Variants in ATP6V1C1 observed in about 807,000 individuals in gnomAD.
ATP6V1C1 encodes V-type proton ATPase subunit C 1.
In ATP6V1C1, 45 loss-of-function variants were observed where a neutral mutation model predicts 53.9. The ratio of observed to expected loss-of-function variants is 0.83; its 90% CI spans 0.66 to 1.07. The LOEUF (loss-of-function observed/expected upper bound fraction) is 1.07, where lower values mean the gene tolerates loss of function less well. Ranked by LOEUF, ATP6V1C1 falls within the 50% of genes least tolerant of loss-of-function variation. The pLI is 0.00. For synonymous variants in ATP6V1C1, 153 were observed against 155.2 expected (o/e 0.99, Z 0.11); for missense variants, 315 against 440.3 (o/e 0.72, Z 2.55).
At chr8:103,041,051 C>A in intron 2 of ATP6V1C1, 83 bp downstream of exon 2, 1 of 1,419,598 alleles carries the variant, frequency 7.0e-7, no homozygotes. Context: ...AATGAGATAC[C>A]CAGGTTCCTT....
At chr8:103,025,364 G>C (rs1022052006) in intron 1 of ATP6V1C1, among the ~76,000 whole-genome samples, 5 of 152,120 alleles carry the variant, frequency 3.3e-5, no homozygotes, top group African/African-American at 9.7e-5. Flanking sequence ...TACATTTCCA[G>C]ACTCCTCCTG....
At position 103,052,725 on chromosome 8, in the gene ATP6V1C1, T is replaced by G. The variant is rs774333072; in HGVS notation, c.382-6T>G. The G allele has an allele frequency of 2.6e-6, 4 of 1,554,242 alleles. No homozygotes were observed. The African/African-American group carries it at 5.6e-5, about 22-fold the overall frequency. On this transcript the variant is annotated splice_polypyrimidine_tract_variant and splice_region_variant and intron_variant, in intron 5 of 12. Coordinates refer to ENST00000518738, the MANE Select transcript of ATP6V1C1 (RefSeq NM_001695.5). ...TATCTATTTTTCTTCTTTTTCTTTT[T>G]CAAAGGGAGTAACTCAGATTGATAA... is the stretch of plus-strand genomic sequence containing the variant.
At chr8:103,052,088 G>T (rs529759979) in intron 5 of ATP6V1C1, among the ~76,000 whole-genome samples, 8 of 152,114 alleles carry the variant, frequency 5.3e-5, no homozygotes, top group Middle Eastern at 3.4e-3. Flanking sequence ...GTATCCTTAA[G>T]GATTTGATCA....
chr8:103,027,671 T>C (rs1816722509), intron 1 of ATP6V1C1, among the ~76,000 whole-genome samples: 1 of 152,138 alleles, frequency 6.6e-6, no homozygotes, highest in Non-Finnish European at 1.5e-5. Flanking sequence ...TCCTCCCACT[T>C]TTTTCCCTTC....
At chr8:103,038,237 G>T (rs1816934095) in intron 1 of ATP6V1C1, among the ~76,000 whole-genome samples, 1 of 152,170 alleles carries the variant, frequency 6.6e-6, no homozygotes, top group Non-Finnish European at 1.5e-5. Flanking sequence ...CATGCTGGTT[G>T]TTGGTTCTCT....
In ATP6V1C1 at chr8:103,068,886, G is replaced by A; in HGVS notation, c.*139G>A. Reference sequence around the variant, plus strand: ...TTTCCTAGGTGAATTCTCCCACAGTGGTCTGTATCTCAACATTTTCTTTTT... The same window carrying A: ...TTTCCTAGGTGAATTCTCCCACAGTAGTCTGTATCTCAACATTTTCTTTTT... On this transcript the variant is annotated 3_prime_UTR_variant, in exon 13 of 13. Coordinates refer to ENST00000518738, the MANE Select transcript of ATP6V1C1 (RefSeq NM_001695.5). The A allele has an allele frequency of 4.2e-6, 2 of 476,058 alleles. No homozygotes were observed. Among genetic ancestry groups the A allele is most frequent in the South Asian group, 6.6e-5 (1 of 15,256 alleles). The allele number at this position is 476,058 out of a possible 1,614,324, so 29.5% of individuals were successfully genotyped here.
chr8:103,038,588 T>C (rs1816939770), intron 1 of ATP6V1C1, among the ~76,000 whole-genome samples: 1 of 152,184 alleles, frequency 6.6e-6, no homozygotes, highest in East Asian at 1.9e-4. Flanking sequence ...AGCAAAAAAG[T>C]AAAAACAATT....
chr8:103,047,439 C>T (rs1817122261), intron 3 of ATP6V1C1, among the ~76,000 whole-genome samples: 1 of 114,624 alleles, frequency 8.7e-6, no homozygotes, highest in Non-Finnish European at 1.9e-5. Flanking sequence ...CGCACACACA[C>T]ACACACACAC....
At chr8:103,042,577 C>T (rs1308851433) in intron 3 of ATP6V1C1, among the ~76,000 whole-genome samples, 170 bp downstream of exon 3, 1 of 152,144 alleles carries the variant, frequency 6.6e-6, no homozygotes, top group Non-Finnish European at 1.5e-5. Flanking sequence ...ACATAAAATG[C>T]ACCTGTTTGA....
rs79023310 is a variant in ATP6V1C1 at position 103,040,907 on chromosome 8, C to G, written c.71C>G (p.Ala24Gly). The G allele has an allele frequency of 1.9e-6, 3 of 1,613,862 alleles. No homozygotes were observed. In the African/African-American group the frequency reaches 4.0e-5, roughly 22 times the overall value. The change falls in exon 2 of 13, where the codon GCG becomes GGG. Residue 24 changes from alanine to glycine, a missense_variant. Physicochemically the swap from Ala to Gly is moderately conservative, Grantham distance 60 (BLOSUM62 0). Transcript: ENST00000518738. Reference protein sequence around the residue: ...TCQQTWEKLHAATSKNNNLAV... With the variant: ...TCQQTWEKLHGATSKNNNLAV... ...CAGCAAACATGGGAGAAATTGCATGCGGCAACTTCAAAGAACAATAATCTT... is the reference window on the plus strand; with the variant it reads ...CAGCAAACATGGGAGAAATTGCATGGGGCAACTTCAAAGAACAATAATCTT...
chr8:103,054,618 C>A (rs1163420247), intron 7 of ATP6V1C1, among the ~76,000 whole-genome samples: 3 of 152,126 alleles, frequency 2.0e-5, no homozygotes, highest in Admixed American at 1.3e-4. Context: ...CCTTTGAAAT[C>A]TCCTTAGGAT....
At chr8:103,048,789 C>A in intron 3 of ATP6V1C1, 81 bp from the exon 4 acceptor site, 1 of 1,197,638 alleles carries the variant, frequency 8.3e-7, no homozygotes, top group Non-Finnish European at 1.2e-6. Flanking sequence ...AAATTCATGT[C>A]TTTATGTAAT....
chr8:103,036,063 G>A (rs1816893843), intron 1 of ATP6V1C1, among the ~76,000 whole-genome samples: 1 of 152,200 alleles, frequency 6.6e-6, no homozygotes, highest in Non-Finnish European at 1.5e-5. Context: ...CAAACAGGGT[G>A]AAGGTGTTGA....
chr8:103,024,570 C>CT (rs1227105706), intron 1 of ATP6V1C1, among the ~76,000 whole-genome samples: 1 of 152,206 alleles, frequency 6.6e-6, no homozygotes, highest in South Asian at 2.1e-4. Flanking sequence ...AAATTTTGCT[C>CT]TTGTACATAT....
chr8:103,066,805 A>G (rs1337109625), intron 12 of ATP6V1C1, among the ~76,000 whole-genome samples: 3 of 152,156 alleles, frequency 2.0e-5, no homozygotes, highest in African/African-American at 7.2e-5. Context: ...TAGAAGCGAT[A>G]GAGTCAATAG....
chr8:103,045,863 C>T (rs1216478475), intron 3 of ATP6V1C1, among the ~76,000 whole-genome samples: 1 of 152,004 alleles, frequency 6.6e-6, no homozygotes, highest in African/African-American at 2.4e-5. Context: ...ATGGTGTGAA[C>T]TCGGGAGGCG....
At chr8:103,034,099 A>G (rs1344699487) in intron 1 of ATP6V1C1, among the ~76,000 whole-genome samples, 1 of 152,194 alleles carries the variant, frequency 6.6e-6, no homozygotes, top group Non-Finnish European at 1.5e-5. Context: ...CATACATTTC[A>G]GAAAGTGTCC....
At chr8:103,047,462 A>ACG (rs1817124639) in intron 3 of ATP6V1C1, among the ~76,000 whole-genome samples, 1 of 89,538 alleles carries the variant, frequency 1.1e-5, no homozygotes, top group Non-Finnish European at 2.4e-5. Flanking sequence ...ACACACACAC[A>ACG]CATTTTTTTT....
chr8:103,027,459 C>T (rs147887893), intron 1 of ATP6V1C1, among the ~76,000 whole-genome samples: 2 of 152,246 alleles, frequency 1.3e-5, no homozygotes, highest in African/African-American at 2.4e-5. Context: ...AGAAGCAGTG[C>T]CAGCAGATGT....
Sources: allele counts gnomAD v4.1 joint callset (sites outside exome capture counted in the v4.1 genomes callset), GRCh38; gene constraint gnomAD v4.1.1; transcripts MANE v1.5; gene names NCBI Gene and HGNC (gene_info 2026-07-23, HGNC 2026-07-21).